DPP10: variants seen among roughly 807,000 people sequenced by gnomAD.
The protein encoded by DPP10 is inactive dipeptidyl peptidase 10.
In DPP10, 33 loss-of-function variants were observed where a neutral mutation model predicts 120.9. The observed-to-expected ratio is 0.27, with a 90% CI of 0.21 to 0.37. The LOEUF is 0.37. Ranked by LOEUF, DPP10 falls within the 10% of genes least tolerant of loss-of-function variation. The pLI is 1.00. For missense variants in DPP10, 816 were observed against 942.8 expected (o/e 0.87, Z 1.76); for synonymous variants, 337 against 326.1 (o/e 1.03, Z -0.36).
At chr2:115,141,090 A>C (rs1019079348) in intron 1 of DPP10, among the ~76,000 whole-genome samples, 1 of 152,204 alleles carries the variant, frequency 6.6e-6, no homozygotes, top group Admixed American at 6.5e-5. Flanking sequence ...ATGTTTGGTG[A>C]AGTGGTTAAG....
intron 3 of DPP10, among the ~76,000 whole-genome samples, chr2:115,369,459 C>A (rs1391954463): frequency 6.6e-6 from 1 of 151,936 alleles, no homozygotes; most frequent in Non-Finnish European, 1.5e-5. Context: ...ACTTAAATAT[C>A]AATTTATTAA....
At chr2:115,831,692 C>T (rs949331288) in intron 21 of DPP10, among the ~76,000 whole-genome samples, 1 of 152,158 alleles carries the variant, frequency 6.6e-6, no homozygotes, top group African/African-American at 2.4e-5. Flanking sequence ...CCAAGTCCTT[C>T]TATCTATTGA....
At chr2:115,470,479 A>C (rs1352237574) in intron 3 of DPP10, among the ~76,000 whole-genome samples, 1 of 152,192 alleles carries the variant, frequency 6.6e-6, no homozygotes, top group Non-Finnish European at 1.5e-5. Context: ...TTGAAAGCAT[A>C]AACATGCCTC....
chr2:115,559,533 T>A (rs2080434047), intron 5 of DPP10, among the ~76,000 whole-genome samples: 1 of 152,158 alleles, frequency 6.6e-6, no homozygotes. Context: ...GAGAGACTGC[T>A]TTCTTGGTGC....
chr2:115,581,698 G>A (rs2149129113), intron 5 of DPP10, among the ~76,000 whole-genome samples: 1 of 152,230 alleles, frequency 6.6e-6, no homozygotes, highest in East Asian at 1.9e-4. Context: ...AGTTGAGCAA[G>A]AAGACCCCCT....
chr2:115,532,740 T>C (rs1013742540), intron 5 of DPP10, among the ~76,000 whole-genome samples: 1 of 152,052 alleles, frequency 6.6e-6, no homozygotes, highest in Non-Finnish European at 1.5e-5. Context: ...CAAATCATGA[T>C]ATGTTAAAAC....
intron 1 of DPP10, among the ~76,000 whole-genome samples, chr2:114,650,439 A>C (rs1042784320): frequency 6.6e-6 from 1 of 152,184 alleles, no homozygotes; most frequent in Non-Finnish European, 1.5e-5. Context: ...TGATACATGT[A>C]CGCTACATGA....
intron 1 of DPP10, among the ~76,000 whole-genome samples, chr2:115,132,753 T>C (rs1003505809): frequency 6.6e-6 from 1 of 152,068 alleles, no homozygotes; most frequent in African/African-American, 2.4e-5. Flanking sequence ...GTTCAGCCAG[T>C]TGGCGGAACT....
At chr2:114,641,230 T>G (rs964696680) in intron 1 of DPP10, among the ~76,000 whole-genome samples, 3 of 152,016 alleles carry the variant, frequency 2.0e-5, no homozygotes, top group Non-Finnish European at 2.9e-5. Flanking sequence ...TCTTTCCATA[T>G]CACACTGCTA....
chr2:114,455,664 T>G (rs1338151539), intron 1 of DPP10, among the ~76,000 whole-genome samples: 1 of 151,768 alleles, frequency 6.6e-6, no homozygotes, highest in African/African-American at 2.4e-5. Context: ...TTTTCCATAA[T>G]AAGAAGAAAA....
intron 5 of DPP10, among the ~76,000 whole-genome samples, chr2:115,541,817 G>T (rs528633346): frequency 6.6e-6 from 1 of 151,998 alleles, no homozygotes; most frequent in African/African-American, 2.4e-5. Context: ...AGTGGGGAGA[G>T]ATAAAGATAA....
intron 1 of DPP10, chr2:114,835,573 C>T (rs1260188331): frequency 6.6e-6 from 1 of 151,988 alleles, no homozygotes; most frequent in Non-Finnish European, 1.5e-5. Flanking sequence ...GCTGGCTTTT[C>T]TAGTGGAAGG....
At chr2:115,438,248 A>T (rs2071683257) in intron 3 of DPP10, among the ~76,000 whole-genome samples, 1 of 152,118 alleles carries the variant, frequency 6.6e-6, no homozygotes, top group Non-Finnish European at 1.5e-5. Context: ...CAAAAATAAC[A>T]AGTGTTAACA....
intron 5 of DPP10, among the ~76,000 whole-genome samples, chr2:115,533,981 G>A (rs958638595): frequency 6.6e-6 from 1 of 151,912 alleles, no homozygotes; most frequent in African/African-American, 2.4e-5. Context: ...CAAAAAGGAA[G>A]GAAAGAAGTA....
At chr2:114,932,567 T>C (rs913918777) in intron 1 of DPP10, among the ~76,000 whole-genome samples, 3 of 152,200 alleles carry the variant, frequency 2.0e-5, no homozygotes, top group African/African-American at 7.2e-5. Context: ...GTATGTTCTA[T>C]GTGATTTTAT....
intron 1 of DPP10, among the ~76,000 whole-genome samples, chr2:115,300,080 C>T (rs1266995656): frequency 1.3e-5 from 2 of 151,962 alleles, no homozygotes; most frequent in East Asian, 3.9e-4. Context: ...ATTATAAATG[C>T]TGTTTTTATA....
chr2:114,641,481 G>T (rs998237092), intron 1 of DPP10, among the ~76,000 whole-genome samples: 2 of 151,938 alleles, frequency 1.3e-5, no homozygotes, highest in Admixed American at 6.5e-5. Context: ...CAGGAAAAAT[G>T]ACCTCTGGAT....
intron 1 of DPP10, among the ~76,000 whole-genome samples, chr2:115,132,310 T>C (rs1286840111): frequency 1.3e-5 from 2 of 152,146 alleles, no homozygotes; most frequent in African/African-American, 2.4e-5. Context: ...TTTTGGGAAC[T>C]TGAAAGTTTT....
chr2:115,275,340 G>A (rs939638820), intron 1 of DPP10, among the ~76,000 whole-genome samples: 2 of 152,056 alleles, frequency 1.3e-5, no homozygotes, highest in East Asian at 3.9e-4. Flanking sequence ...TATAACACAT[G>A]CACATACTCA....
Sources: allele counts gnomAD v4.1 joint callset (sites outside exome capture counted in the v4.1 genomes callset), GRCh38; gene constraint gnomAD v4.1.1; transcripts MANE v1.5; gene names NCBI Gene and HGNC (gene_info 2026-07-23, HGNC 2026-07-21).